The following GALNT6 variants were observed in gnomAD, a reference collection of about 807,000 sequenced individuals.
GALNT6 encodes the protein GalNAc transferase 6.
In GALNT6, 51 loss-of-function variants were observed where a neutral mutation model predicts 65.9. The ratio of observed to expected loss-of-function variants is 0.77; its 90% CI spans 0.62 to 0.98. The LOEUF (loss-of-function observed/expected upper bound fraction) is 0.98, where lower values mean the gene tolerates loss of function less well. GALNT6 is among the 50% of genes least tolerant of loss of function. The probability of loss-of-function intolerance (pLI) is 0.00; values close to 1 mark genes in which losing one functional copy is unlikely to be tolerated. For synonymous variants in GALNT6, 323 were observed against 315.1 expected (o/e 1.02, Z -0.26); for missense variants, 708 against 803.3 (o/e 0.88, Z 1.43).
At chr12:51,363,494 T>A (rs1285773798) in intron 6 of GALNT6, among the ~76,000 whole-genome samples, 1 of 152,150 alleles carries the variant, frequency 6.6e-6, no homozygotes, top group Non-Finnish European at 1.5e-5. Context: ...AAATAAAAAA[T>A]AAATAAGATG....
At position 51,353,808 on chromosome 12, in the gene GALNT6, GAC is replaced by G. The variant is rs1341031547; in HGVS notation, c.*569_*570del. The G allele has an allele frequency of 6.6e-6, 1 of 152,300 alleles. No homozygotes were observed. Among genetic ancestry groups the G allele is most frequent in the Non-Finnish European group, 1.5e-5 (1 of 68,316 alleles). The allele number at this position is 152,300 out of a possible 1,614,324, so 9.4% of individuals were successfully genotyped here. ...CCTGTTGCCCAGGCTGGAGTGCAGT[GAC>G]ACAATCAAGGCTCACTGTAGCTTCA... is the stretch of plus-strand genomic sequence containing the variant. On this transcript the variant is annotated 3_prime_UTR_variant, in exon 12 of 12. Transcript: ENST00000356317.
chr12:51,377,239 A>G lies in GALNT6; in HGVS notation c.620T>C (p.Ile207Thr). 1 of 1,613,908 alleles carries G rather than the reference A, an allele frequency of 6.2e-7. No homozygotes were observed. Among genetic ancestry groups the G allele is most frequent in the Non-Finnish European group, 8.5e-7 (1 of 1,180,022 alleles). The change falls in exon 4 of 12, where the codon ATC (isoleucine) becomes ACC (threonine). Residue 207 changes from isoleucine to threonine, a missense_variant. By Grantham distance (89) the Ile-to-Thr change is moderately conservative. Transcript: ENST00000356317. ...VYSVLHTTPA[I>T]LLKEIILVDD... ...CACCAGTATGATCTCCTTGAGCAAG[A>G]TGGCAGGGGTGGTGTGTAGGACGCT...
chr12:51,356,170 G>A (rs951557343), intron 10 of GALNT6, among the ~76,000 whole-genome samples: 12 of 146,842 alleles, frequency 8.2e-5, no homozygotes, highest in African/African-American at 2.7e-4. Flanking sequence ...ATGTGTGTGT[G>A]TATATATATA....
intron 6 of GALNT6, among the ~76,000 whole-genome samples, chr12:51,362,476 A>T (rs1946954115): frequency 6.6e-6 from 1 of 152,088 alleles, no homozygotes; most frequent in Non-Finnish European, 1.5e-5. Context: ...CATGCATGCT[A>T]CCGGGGCATG....
At chr12:51,379,164 G>C (rs1592348336) in intron 3 of GALNT6, 127 bp downstream of exon 3, 2 of 930,096 alleles carry the variant, frequency 2.2e-6, no homozygotes, top group Non-Finnish European at 3.1e-6. Flanking sequence ...GCATAGAGGA[G>C]ATCCTTGCCC....
intron 4 of GALNT6, among the ~76,000 whole-genome samples, chr12:51,376,274 CTG>C (rs1947449284): frequency 6.6e-6 from 1 of 152,192 alleles, no homozygotes; most frequent in African/African-American, 2.4e-5. Flanking sequence ...GTGTTGGACT[CTG>C]CAGTCCATGC....
In GALNT6 at chr12:51,358,347, C is replaced by A. The variant is rs571008063; in HGVS notation, c.1369-86G>T. 4 of 1,487,376 alleles carry A rather than the reference C, an allele frequency of 2.7e-6. No homozygotes were observed. The Admixed American group carries it at 7.7e-5, about 29-fold the overall frequency. 92.1% of individuals were successfully genotyped at this position (1,487,376 alleles called of 1,614,324 possible). Reference sequence around the variant, plus strand: ...AGGGAGTCTCACTCTGTTGCCCAGGCTGGAGTGCAGTGGTGCAATCTCGGC... The same window carrying A: ...AGGGAGTCTCACTCTGTTGCCCAGGATGGAGTGCAGTGGTGCAATCTCGGC... On this transcript the variant is annotated intron_variant, in intron 8 of 11. Transcript: ENST00000356317.
chr12:51,358,222 C>G lies in GALNT6; in HGVS notation c.1408G>C (p.Glu470Gln). The G allele has an allele frequency of 6.2e-7, 1 of 1,613,512 alleles. No individual in the cohort carries two copies. Among genetic ancestry groups the G allele is most frequent in the South Asian group, 1.1e-5 (1 of 91,050 alleles). Residue 470 changes from glutamate to glutamine, a missense_variant, in exon 9 of 12, where the codon GAA (glutamate) becomes CAA (glutamine). Coordinates refer to ENST00000356317, the MANE Select transcript of GALNT6 (RefSeq NM_007210.4). ...GDISERLQLR[E>Q]QLHCHNFSWY... is the part of the protein sequence containing the mutation. The stretch of plus-strand genomic sequence containing the variant: ...GAAAAGTTGTGACAGTGCAGTTGTT[C>G]CCTCAGCTGCAGTCGTTCCGAAATG...
intron 4 of GALNT6, among the ~76,000 whole-genome samples, 190 bp from the exon 5 acceptor site, chr12:51,365,769 A>C (rs1277021094): frequency 6.6e-6 from 1 of 152,172 alleles, no homozygotes; most frequent in Non-Finnish European, 1.5e-5. Context: ...GGGGAGAGGA[A>C]GAAAGAAGCC....
chr12:51,379,258 G>C, intron 3 of GALNT6, 33 bp downstream of exon 3: 1 of 1,513,218 alleles, frequency 6.6e-7, no homozygotes, highest in South Asian at 1.4e-5. Flanking sequence ...GCAAAGCCCT[G>C]GTCTCCCCAC....
At chr12:51,367,407 C>G (rs1947143564) in intron 4 of GALNT6, among the ~76,000 whole-genome samples, 1 of 152,198 alleles carries the variant, frequency 6.6e-6, no homozygotes, top group African/African-American at 2.4e-5. Flanking sequence ...TGCACTCCAA[C>G]CTGAGTGACA....
At position 51,379,476 on chromosome 12, in the gene GALNT6, G is replaced by A. The variant is rs1947585915; in HGVS notation, c.306C>T (p.Phe102=). ...GFYTPAELKP[F]WERPPQDPNA... is the part of the protein sequence containing the mutation. The stretch of plus-strand genomic sequence containing the variant: ...TGGGGTCCTGTGGTGGCCGTTCCCA[G>A]AAGGGCTTCAGTTCAGCTGGGGTAT... Residue 102 remains phenylalanine, a synonymous_variant, in exon 3 of 12, where the codon TTC becomes TTT. Transcript: ENST00000356317. 2 of 1,614,160 alleles carry A rather than the reference G, an allele frequency of 1.2e-6. No individual in the cohort carries two copies. The highest frequency in any genetic ancestry group is 2.2e-5 in the East Asian group (1 of 44,886).
chr12:51,374,622 C>CT (rs1210111938), intron 4 of GALNT6, among the ~76,000 whole-genome samples: 1 of 152,170 alleles, frequency 6.6e-6, no homozygotes, highest in Non-Finnish European at 1.5e-5. Flanking sequence ...AGTTCCTGCC[C>CT]TCACTATTGG....
intron 4 of GALNT6, among the ~76,000 whole-genome samples, chr12:51,367,983 C>T (rs936040224): frequency 3.9e-5 from 6 of 152,060 alleles, no homozygotes; most frequent in Admixed American, 3.9e-4. Flanking sequence ...GAGGACTCCC[C>T]ACCTTCTCCC....
rs1946840590 is a variant in GALNT6, at chr12:51,359,115, G to A, written c.1368+17C>T. 1 of 1,602,550 alleles carries A rather than the reference G, an allele frequency of 6.2e-7. No homozygotes were observed. Among genetic ancestry groups the A allele is most frequent in the Non-Finnish European group, 8.5e-7 (1 of 1,169,760 alleles). ...CTTCTCTTCATCTAAACCTCTCCGA[G>A]AACCATTTCCTCTCACCTCTTGGGC... On this transcript the variant is annotated intron_variant, in intron 8 of 11. Coordinates refer to ENST00000356317, the MANE Select transcript of GALNT6 (RefSeq NM_007210.4).
chr12:51,353,913 C>CT lies in GALNT6; in HGVS notation c.*465dup, dbSNP rs11350640. The CT allele has an allele frequency of 6.1e-3, 919 of 149,544 alleles. 9 individuals carry two copies. Among genetic ancestry groups the CT allele is most frequent in the African/African-American group, 0.021 (844 of 40,462 alleles). 9.3% of individuals were successfully genotyped at this position (149,544 alleles called of 1,614,324 possible). ...TACAGGCATAAGCCACCATACCCAG[C>CT]TTTTTTTTTTTGCCGGGGGGAGGGT... On this transcript the variant is annotated 3_prime_UTR_variant, in exon 12 of 12. Transcript: ENST00000356317.
At chr12:51,377,819 G>A (rs1230295074) in intron 3 of GALNT6, among the ~76,000 whole-genome samples, 1 of 152,208 alleles carries the variant, frequency 6.6e-6, no homozygotes, top group Non-Finnish European at 1.5e-5. Flanking sequence ...TACTCAATGA[G>A]AAGAAAAGGC....
intron 4 of GALNT6, among the ~76,000 whole-genome samples, chr12:51,367,419 A>G (rs1416936419): frequency 6.6e-6 from 1 of 152,230 alleles, no homozygotes; most frequent in Non-Finnish European, 1.5e-5. Flanking sequence ...TGAGTGACAT[A>G]GCAAGACTTG....
At chr12:51,357,964 C>T (rs958367690) in intron 9 of GALNT6, among the ~76,000 whole-genome samples, 166 bp downstream of exon 9, 3 of 152,138 alleles carry the variant, frequency 2.0e-5, no homozygotes, top group Admixed American at 1.3e-4. Context: ...AGGTTTTTTG[C>T]TATCTCTAGA....
Sources: allele counts gnomAD v4.1 joint callset (sites outside exome capture counted in the v4.1 genomes callset), GRCh38; gene constraint gnomAD v4.1.1; transcripts MANE v1.5; gene names NCBI Gene and HGNC (gene_info 2026-07-23, HGNC 2026-07-21).